ENPP2: variants seen among roughly 807,000 people sequenced by gnomAD.
The protein encoded by ENPP2 is autotaxin.
ENPP2 carries 51 observed loss-of-function variants against 120.2 expected under a neutral mutation model. The observed-to-expected ratio is 0.42, with a 90% confidence interval of 0.34 to 0.54. The LOEUF (loss-of-function observed/expected upper bound fraction) is 0.54. Among genes scored for constraint, ENPP2 ranks in the 20% least tolerant of loss-of-function variants. The pLI, the probability that ENPP2 is intolerant of heterozygous loss-of-function variation, is 0.04. For missense variants in ENPP2, 920 were observed against 1,066.5 expected (o/e 0.86, Z 1.91); for synonymous variants, 365 against 366.4 (o/e 1.00, Z 0.04).
chr8:119,668,368 G>A (rs976933846), intron 1 of ENPP2, among the ~76,000 whole-genome samples: 8 of 151,552 alleles, frequency 5.3e-5, no homozygotes, highest in African/African-American at 1.7e-4. Context: ...TACAGAGTAC[G>A]ATGACTATCA....
intron 11 of ENPP2, 110 bp from the exon 12 acceptor site, chr8:119,593,970 A>G (rs1219124652): frequency 4.1e-6 from 3 of 724,144 alleles, no homozygotes; most frequent in Non-Finnish European, 7.4e-6. Context: ...TCCGGCCCAG[A>G]GGCAGAGCTT....
At chr8:119,669,118 G>T (rs1434285014) in intron 1 of ENPP2, among the ~76,000 whole-genome samples, 3 of 152,148 alleles carry the variant, frequency 2.0e-5, no homozygotes, top group Admixed American at 6.5e-5. Flanking sequence ...TGCCTTTATA[G>T]ATATCAATGA....
intron 11 of ENPP2, among the ~76,000 whole-genome samples, chr8:119,599,401 T>G (rs117759219): frequency 0.01 from 1,579 of 152,274 alleles, 10 homozygotes; most frequent in Non-Finnish European, 0.016. Context: ...TTAAGTATTG[T>G]CAAAAATACT....
chr8:119,571,030 G>A, intron 19 of ENPP2, 189 bp from the exon 20 acceptor site: 1 of 402,532 alleles, frequency 2.5e-6, no homozygotes, highest in South Asian at 9.4e-5. Context: ...CCTAACCATG[G>A]GTCAAGCTTT....
At chr8:119,619,432 ATTCTG>A in intron 4 of ENPP2, 128 bp from the exon 5 acceptor site, 10 of 576,558 alleles carry the variant, frequency 1.7e-5, no homozygotes, top group Non-Finnish European at 3.0e-5. Context: ...AAAAAAAAAA[ATTCTG>A]AAAAAAAAAT....
chr8:119,609,683 C>A lies in ENPP2; in HGVS notation c.778-1706G>T, dbSNP rs74637996. ...AAAACCATGCCAGTTCCCAAAGAGG[C>A]CAGTTCCTTATATTAAGGGATCTAT... On this transcript the variant is annotated intron_variant, in intron 8 of 24. Coordinates refer to ENST00000075322, the MANE Select transcript of ENPP2 (RefSeq NM_001040092.3). Among the ~76,000 whole-genome samples the A allele has an allele frequency of 9.3e-4, 141 of 152,244 alleles. 1 individual carries two copies. Among genetic ancestry groups the A allele is most frequent in the African/African-American group, 3.4e-3 (140 of 41,542 alleles).
intron 1 of ENPP2, among the ~76,000 whole-genome samples, chr8:119,661,098 T>C (rs1311886378): frequency 6.6e-6 from 1 of 151,814 alleles, no homozygotes; most frequent in Non-Finnish European, 1.5e-5. Context: ...TTCTCACTCC[T>C]AAATGAGGGT....
chr8:119,654,097 C>G (rs377554464), intron 1 of ENPP2, among the ~76,000 whole-genome samples: 11 of 141,718 alleles, frequency 7.8e-5, no homozygotes, highest in East Asian at 6.0e-4. Context: ...TGTTATATAT[C>G]TATATAACAT....
intron 2 of ENPP2, among the ~76,000 whole-genome samples, chr8:119,631,581 G>A (rs1816688563): frequency 2.0e-5 from 3 of 151,994 alleles, no homozygotes; most frequent in Admixed American, 2.0e-4. Flanking sequence ...ACTCCTGTGT[G>A]CAATGGAAAA....
intron 1 of ENPP2, among the ~76,000 whole-genome samples, chr8:119,648,430 T>C (rs914058339): frequency 3.3e-5 from 5 of 152,210 alleles, no homozygotes; most frequent in Admixed American, 2.0e-4. Flanking sequence ...GCAGCTCTTA[T>C]GTGGCAAAGG....
At chr8:119,587,278 C>G (rs574838660) in intron 13 of ENPP2, among the ~76,000 whole-genome samples, 83 of 152,182 alleles carry the variant, frequency 5.5e-4, no homozygotes, top group African/African-American at 1.9e-3. Context: ...GGAACAAATC[C>G]TATAGTAAAC....
At chr8:119,608,097 T>G (rs1220977273) in intron 8 of ENPP2, 120 bp from the exon 9 acceptor site, 1 of 544,862 alleles carries the variant, frequency 1.8e-6, no homozygotes, top group Admixed American at 3.8e-5. Context: ...ACATAAATTT[T>G]CCATTATTTG....
intron 19 of ENPP2, among the ~76,000 whole-genome samples, chr8:119,576,076 C>T (rs1272636198): frequency 6.6e-6 from 1 of 152,112 alleles, no homozygotes; most frequent in Non-Finnish European, 1.5e-5. Flanking sequence ...GAAGATGTTC[C>T]CTCTGTAGCC....
chr8:119,586,224 A>G lies in ENPP2; in HGVS notation c.1329T>C (p.Asp443=). The change falls in exon 15 of 25, where the codon GAT becomes GAC. Residue 443 remains aspartate (D), a synonymous_variant. Transcript: ENST00000075322. ...LHYANNRRIE[D]IHLLVERRWH... is the part of the protein sequence containing the mutation. The stretch of plus-strand genomic sequence containing the variant: ...ATCTGCGTTCCACCAATAAATGGAT[A>G]TCCTCAATTCTTCTGTTGTTGGCAT... 1 of 1,614,062 alleles carries G rather than the reference A, an allele frequency of 6.2e-7. No individual in the cohort carries two copies. Among genetic ancestry groups the G allele is most frequent in the Non-Finnish European group, 8.5e-7 (1 of 1,179,926 alleles).
At chr8:119,581,397 T>C (rs1238723383) in intron 18 of ENPP2, among the ~76,000 whole-genome samples, 1 of 152,020 alleles carries the variant, frequency 6.6e-6, no homozygotes, top group Non-Finnish European at 1.5e-5. Flanking sequence ...CCTCTAGGGA[T>C]GGCATCAAAG....
At chr8:119,632,978 G>T (rs1816774467) in intron 2 of ENPP2, among the ~76,000 whole-genome samples, 1 of 152,164 alleles carries the variant, frequency 6.6e-6, no homozygotes. Flanking sequence ...CAAGAGAATT[G>T]CTTGAGGTGG....
intron 22 of ENPP2, among the ~76,000 whole-genome samples, chr8:119,567,135 A>T (rs1261190991): frequency 6.6e-6 from 1 of 152,164 alleles, no homozygotes. Context: ...AAGCACATAG[A>T]GGTGCTTCCT....
intron 3 of ENPP2, among the ~76,000 whole-genome samples, chr8:119,623,671 G>C (rs1333994083): frequency 6.6e-6 from 1 of 151,888 alleles, no homozygotes; most frequent in Non-Finnish European, 1.5e-5. Flanking sequence ...TGTCGCCTGG[G>C]CTAGAGTGCA....
At chr8:119,582,700 T>A in intron 17 of ENPP2, 98 bp from the exon 18 acceptor site, 2 of 882,364 alleles carry the variant, frequency 2.3e-6, no homozygotes, top group Non-Finnish European at 3.6e-6. Context: ...GTCTGAAAAC[T>A]GTGAACACAA....
Sources: gnomAD v4.1 joint callset for allele counts (sites outside exome capture counted in the v4.1 genomes callset) on GRCh38, gnomAD v4.1.1 for gene constraint, MANE v1.5 for transcripts, NCBI Gene and HGNC (gene_info 2026-07-23, HGNC 2026-07-21) for gene names.